FHOD3: variants seen among roughly 807,000 people sequenced by gnomAD.
FHOD3 encodes the protein formin homology 2 domain containing 3.
A neutral mutation model predicts 173.0 loss-of-function variants in FHOD3; 90 were observed. The observed-to-expected ratio is 0.52, with a 90% CI of 0.44 to 0.62. The LOEUF (loss-of-function observed/expected upper bound fraction) is 0.62, where lower values mean the gene tolerates loss of function less well. Among genes scored for constraint, FHOD3 ranks in the 20% least tolerant of loss-of-function variants. The pLI is 0.00. For synonymous variants in FHOD3, 828 were observed against 823.0 expected (o/e 1.01, Z -0.10); for missense variants, 1,945 against 2,034.7 (o/e 0.96, Z 0.85).
chr18:36,627,342 G>A (rs1468531692), intron 10 of FHOD3, among the ~76,000 whole-genome samples: 4 of 152,170 alleles, frequency 2.6e-5, no homozygotes, highest in Non-Finnish European at 5.9e-5. Context: ...GCTTCATCAT[G>A]TTTGTTCCTT....
At chr18:36,433,195 A>G (rs576744216) in intron 3 of FHOD3, among the ~76,000 whole-genome samples, 2 of 152,228 alleles carry the variant, frequency 1.3e-5, no homozygotes, top group Non-Finnish European at 2.9e-5. Context: ...CCTAGTCACA[A>G]TGATGATATC....
chr18:36,537,977 A>G (rs181510871), intron 5 of FHOD3, among the ~76,000 whole-genome samples: 1 of 152,252 alleles, frequency 6.6e-6, no homozygotes, highest in East Asian at 1.9e-4. Flanking sequence ...AAATAACTAA[A>G]CTCATGCAGA....
intron 5 of FHOD3, among the ~76,000 whole-genome samples, chr18:36,569,996 A>G (rs1425046761): frequency 6.6e-6 from 1 of 152,124 alleles, no homozygotes; most frequent in Non-Finnish European, 1.5e-5. Context: ...ACCTTAAGAA[A>G]CTAGAGTAAG....
intron 28 of FHOD3, chr18:36,778,841 C>G (rs2043884693): frequency 6.6e-6 from 1 of 152,202 alleles, no homozygotes; most frequent in South Asian, 2.1e-4. Context: ...AGGCTAAGAC[C>G]CACAGTACTC....
chr18:36,586,134 C>G (rs1320527209), intron 6 of FHOD3, among the ~76,000 whole-genome samples: 3 of 152,196 alleles, frequency 2.0e-5, no homozygotes, highest in African/African-American at 7.2e-5. Context: ...AGAGTTCTTT[C>G]ACCTTTATTG....
intron 1 of FHOD3, among the ~76,000 whole-genome samples, chr18:36,346,464 T>C (rs1224806356): frequency 1.3e-5 from 2 of 152,232 alleles, no homozygotes; most frequent in Admixed American, 1.3e-4. Context: ...GCCATGTTAA[T>C]GCAAATGGTA....
intron 3 of FHOD3, among the ~76,000 whole-genome samples, chr18:36,471,900 T>C (rs2053307512): frequency 6.6e-6 from 1 of 152,184 alleles, no homozygotes; most frequent in Non-Finnish European, 1.5e-5. Context: ...TTTCATAGTG[T>C]TTGTGGGCAA....
chr18:36,656,600 ATC>A (rs1399436839), intron 13 of FHOD3, among the ~76,000 whole-genome samples: 3 of 152,172 alleles, frequency 2.0e-5, no homozygotes, highest in Non-Finnish European at 4.4e-5. Context: ...CTGAAATTTC[ATC>A]TCTCTATTCT....
chr18:36,614,788 A>G (rs2033031908), intron 9 of FHOD3, among the ~76,000 whole-genome samples: 1 of 144,848 alleles, frequency 6.9e-6, no homozygotes, highest in African/African-American at 2.6e-5. Context: ...GGCTGTCTGT[A>G]TAGTTTCTGT....
intron 3 of FHOD3, among the ~76,000 whole-genome samples, chr18:36,407,934 G>T (rs1426918548): frequency 6.6e-6 from 1 of 152,234 alleles, no homozygotes; most frequent in African/African-American, 2.4e-5. Context: ...TTTTCAAGCT[G>T]CACAATCCTT....
At chr18:36,514,102 G>A (rs1389412637) in intron 5 of FHOD3, among the ~76,000 whole-genome samples, 3 of 145,186 alleles carry the variant, frequency 2.1e-5, no homozygotes, top group Non-Finnish European at 3.0e-5. Flanking sequence ...TCCGCCTCCC[G>A]GATTCACGCC....
chr18:36,772,916 C>A (rs181645200), intron 28 of FHOD3, among the ~76,000 whole-genome samples: 142 of 152,340 alleles, frequency 9.3e-4, no homozygotes, highest in Non-Finnish European at 1.3e-3. Context: ...ACTGGCCCCT[C>A]CTGTAAAGAC....
intron 23 of FHOD3, among the ~76,000 whole-genome samples, chr18:36,745,669 C>A (rs1426244037): frequency 2.0e-5 from 3 of 152,012 alleles, no homozygotes; most frequent in African/African-American, 7.2e-5. Context: ...CAACGGCTTA[C>A]CTCCGCGCCC....
intron 2 of FHOD3, among the ~76,000 whole-genome samples, chr18:36,360,888 G>T (rs563139521): frequency 1.3e-5 from 2 of 152,264 alleles, no homozygotes; most frequent in East Asian, 3.9e-4. Context: ...ATTTGTCCAG[G>T]TTTCCTCTGC....
At chr18:36,665,492 G>A (rs1161394210) in intron 14 of FHOD3, among the ~76,000 whole-genome samples, 1 of 152,168 alleles carries the variant, frequency 6.6e-6, no homozygotes, top group Admixed American at 6.5e-5. Context: ...CAGGTGCTCT[G>A]TTGTTGTGGG....
chr18:36,563,736 C>A (rs943612146), intron 5 of FHOD3, among the ~76,000 whole-genome samples: 1 of 152,120 alleles, frequency 6.6e-6, no homozygotes, highest in African/African-American at 2.4e-5. Context: ...ATTCTGGTAT[C>A]TTTTCTTTTC....
At chr18:36,678,480 T>C (rs2038007030) in intron 14 of FHOD3, among the ~76,000 whole-genome samples, 1 of 127,858 alleles carries the variant, frequency 7.8e-6, no homozygotes, top group East Asian at 2.2e-4. Flanking sequence ...AAGGATTCAG[T>C]GAGCCATGAT....
In FHOD3 at chr18:36,693,314, A is replaced by T. The variant is rs200671815; in HGVS notation, c.2127A>T (p.Pro709=). 1.9e-6 allele frequency: 3 copies of T among 1,613,778 alleles called. No homozygotes were observed. The South Asian group carries it at 3.3e-5, about 18-fold the overall frequency. ...ACCTCTCCTTGGACCTGACCTCGCC[A>T]GCAGCCCCAGCCTGCCTGGCTCCTC... ...RADLSLDLTS[P]AAPACLAPLS... The change falls in exon 17 of 29, where the codon CCA becomes CCT. Residue 709 remains proline (P), a synonymous_variant. Coordinates refer to ENST00000590592, the MANE Select transcript of FHOD3 (RefSeq NM_001281740.3).
intron 1 of FHOD3, among the ~76,000 whole-genome samples, chr18:36,313,689 G>A (rs2092305483): frequency 6.6e-6 from 1 of 152,114 alleles, no homozygotes; most frequent in Non-Finnish European, 1.5e-5. Context: ...AGACACCTGG[G>A]TTGTTTCTGG....
Sources: gnomAD v4.1 joint callset for allele counts (sites outside exome capture counted in the v4.1 genomes callset) on GRCh38, gnomAD v4.1.1 for gene constraint, MANE v1.5 for transcripts, NCBI Gene and HGNC (gene_info 2026-07-23, HGNC 2026-07-21) for gene names.